Variants in ST7L observed in about 807,000 individuals in gnomAD.
The protein encoded by ST7L is suppression of tumorigenicity 7 like, also known as suppressor of tumorigenicity 7 protein-like.
In ST7L, 57 loss-of-function variants were observed where a neutral mutation model predicts 72.5. The observed-to-expected ratio is 0.79, with a 90% CI of 0.64 to 0.98. The LOEUF is 0.98. ST7L is among the 50% of genes least tolerant of loss of function. The probability of loss-of-function intolerance (pLI) is 0.00; values close to 1 mark genes in which losing one functional copy is unlikely to be tolerated. For synonymous variants in ST7L, 221 were observed against 240.9 expected, an observed-to-expected ratio of 0.92 and a Z score of 0.77; for missense variants, 576 against 672.2, an observed-to-expected ratio of 0.86 and a Z score of 1.58.
At chr1:112,549,311 T>G (rs1216356281) in intron 13 of ST7L, among the ~76,000 whole-genome samples, 4 of 152,176 alleles carry the variant, frequency 2.6e-5, no homozygotes, top group African/African-American at 9.7e-5. Context: ...AAGAATCGCC[T>G]GAACCCAGGA....
intron 12 of ST7L, among the ~76,000 whole-genome samples, chr1:112,554,923 G>C (rs1435532146): frequency 2.6e-5 from 4 of 152,142 alleles, no homozygotes; most frequent in African/African-American, 9.7e-5. Context: ...GAGGTACCTA[G>C]AGTAGTCAAA....
At chr1:112,584,209 A>AT (rs2101894056) in intron 6 of ST7L, 83 bp from the exon 7 acceptor site, 2 of 1,375,174 alleles carry the variant, frequency 1.5e-6, no homozygotes, top group East Asian at 2.5e-5. Flanking sequence ...GCTCTATGTC[A>AT]TATTTCCTTA....
chr1:112,588,253 C>T (rs1665156895), intron 6 of ST7L, among the ~76,000 whole-genome samples: 1 of 152,148 alleles, frequency 6.6e-6, no homozygotes, highest in Admixed American at 6.6e-5. Flanking sequence ...AGTTTTATTT[C>T]TTCCTTTCCA....
chr1:112,595,326 T>C lies in ST7L; in HGVS notation c.622+2645A>G, dbSNP rs552274794. 2.2e-4 allele frequency among the ~76,000 whole-genome samples: 29 copies of C among 134,206 alleles called. No homozygotes were observed. In the East Asian group the frequency reaches 2.5e-3, roughly 11 times the overall value. 88.0% of individuals were successfully genotyped at this position (134,206 alleles called of 152,430 possible). A position where few individuals can be genotyped will look rare whatever the true frequency, so the allele number is the denominator to read the frequency against. ...GTTGTGGTGAGCCGAGATTGCACCA[T>C]TGCACTCCAGCCTGGGCAACAAAAG... On this transcript the variant is annotated intron_variant, in intron 5 of 14. Transcript: ENST00000358039.
chr1:112,567,027 A>G (rs1292073246), intron 11 of ST7L, among the ~76,000 whole-genome samples: 1 of 152,208 alleles, frequency 6.6e-6, no homozygotes, highest in Non-Finnish European at 1.5e-5. Context: ...TTGTATCAGA[A>G]ATTGCCAGTT....
intron 9 of ST7L, 32 bp from the exon 10 acceptor site, chr1:112,578,449 T>A (rs773996420): frequency 6.2e-7 from 1 of 1,600,802 alleles, no homozygotes; most frequent in East Asian, 2.2e-5. Context: ...TAGGTAGGAA[T>A]TACAAAAAAG....
chr1:112,540,995 T>C lies in ST7L; in HGVS notation c.1629+956A>G. ...ACATTAATAAGTTCATATAGAAAAG[T>C]AAATAGTTGCTGGGCATGGCGGCTC... is the stretch of plus-strand genomic sequence containing the variant. On this transcript the variant is annotated intron_variant, in intron 14 of 14. Transcript: ENST00000358039. The C allele has an allele frequency of 8.7e-6, 5 of 574,414 alleles. No individual in the cohort carries two copies. In the South Asian group the frequency reaches 8.8e-5, roughly 10 times the overall value. 35.6% of individuals were successfully genotyped at this position (574,414 alleles called of 1,614,324 possible).
At position 112,619,134 on chromosome 1, in the gene ST7L, C is replaced by T. The variant is rs1434487353; in HGVS notation, c.-21G>A. 6 of 1,611,006 alleles carry T rather than the reference C, an allele frequency of 3.7e-6. No individual in the cohort carries two copies. In the African/African-American group the frequency reaches 8.0e-5, roughly 22 times the overall value. ...GCCATCTTGCCGCTATCGCAGGCGC[C>T]AGGAGCTGGGAGGGGAGAAGGACAG... On this transcript the variant is annotated 5_prime_UTR_variant, in exon 1 of 15. Transcript: ENST00000358039.
In ST7L at chr1:112,597,823, T is replaced by G. The variant is rs983873050; in HGVS notation, c.622+148A>C. On this transcript the variant is annotated intron_variant, in intron 5 of 14. Coordinates refer to ENST00000358039, the MANE Select transcript of ST7L (RefSeq NM_017744.5). ...AGTGTATCAACCTAGCTTATAGTCATAATTTAATCTGAGTTTGTTATCAAT... is the reference window on the plus strand; with the variant it reads ...AGTGTATCAACCTAGCTTATAGTCAGAATTTAATCTGAGTTTGTTATCAAT... The G allele has an allele frequency of 8.9e-6, 4 of 449,528 alleles. No homozygotes were observed. The Admixed American group carries it at 1.7e-4, about 19-fold the overall frequency. 27.8% of individuals were successfully genotyped at this position (449,528 alleles called of 1,614,324 possible). A position where few individuals can be genotyped will look rare whatever the true frequency, so the allele number is the denominator to read the frequency against.
intron 11 of ST7L, among the ~76,000 whole-genome samples, chr1:112,564,817 CAAAAAA>C (rs780771291): frequency 2.3e-5 from 1 of 43,114 alleles, no homozygotes; most frequent in Admixed American, 2.6e-4. Context: ...AACTGCATCT[CAAAAAA>C]AAAAAAAAAA....
chr1:112,533,321 A>AT (rs1654681723), intron 14 of ST7L, among the ~76,000 whole-genome samples: 1 of 143,662 alleles, frequency 7.0e-6, no homozygotes, highest in Non-Finnish European at 1.5e-5. Flanking sequence ...GCGTTATTTT[A>AT]TTTTATTTTT....
At chr1:112,563,970 T>C (rs1660559262) in intron 11 of ST7L, among the ~76,000 whole-genome samples, 1 of 152,162 alleles carries the variant, frequency 6.6e-6, no homozygotes, top group Non-Finnish European at 1.5e-5. Context: ...GCATCTGAAA[T>C]TAAGGTACTT....
chr1:112,540,051 T>G (rs1031104662), intron 14 of ST7L: 1 of 985,320 alleles, frequency 1.0e-6, no homozygotes, highest in Admixed American at 6.1e-5. Flanking sequence ...AAGGAACTTA[T>G]GCTATGTAAT....
chr1:112,589,086 T>C (rs1256152559), intron 6 of ST7L, among the ~76,000 whole-genome samples: 1 of 152,138 alleles, frequency 6.6e-6, no homozygotes, highest in Non-Finnish European at 1.5e-5. Context: ...AATTTCTATT[T>C]AGTTCCTTTT....
rs921587152 is a variant in ST7L at position 112,609,219 on chromosome 1, A to C, written c.451+1622T>G. Among the ~76,000 whole-genome samples the C allele has an allele frequency of 4.6e-5, 7 of 152,130 alleles. No homozygotes were observed. The South Asian group carries it at 6.2e-4, about 14-fold the overall frequency. ...CTTTGTAAATTTTCCTTTCCTAATT[A>C]TGTATCATTAAAAATATTTGCTTTC... On this transcript the variant is annotated intron_variant, in intron 3 of 14. Coordinates refer to ENST00000358039, the MANE Select transcript of ST7L (RefSeq NM_017744.5).
At chr1:112,595,654 T>G (rs912820751) in intron 5 of ST7L, among the ~76,000 whole-genome samples, 2 of 152,066 alleles carry the variant, frequency 1.3e-5, no homozygotes, top group African/African-American at 4.8e-5. Context: ...CCTAGACTCA[T>G]GGGATGCTCC....
At chr1:112,559,622 C>T (rs1659770576) in intron 11 of ST7L, among the ~76,000 whole-genome samples, 1 of 152,126 alleles carries the variant, frequency 6.6e-6, no homozygotes, top group Admixed American at 6.5e-5. Flanking sequence ...ACACACATGG[C>T]ACACTTATTA....
intron 6 of ST7L, among the ~76,000 whole-genome samples, chr1:112,585,988 G>A (rs2101907113): frequency 6.6e-6 from 1 of 152,288 alleles, no homozygotes; most frequent in East Asian, 1.9e-4. Flanking sequence ...ACGTTCTTCA[G>A]TTATAGAAAA....
chr1:112,591,638 G>GT, intron 5 of ST7L, 35 bp from the exon 6 acceptor site: 1 of 1,544,950 alleles, frequency 6.5e-7, no homozygotes, highest in African/African-American at 1.4e-5. Context: ...AGATGAGATG[G>GT]TAAAAAAATA....
Sources: allele counts gnomAD v4.1 joint callset (sites outside exome capture counted in the v4.1 genomes callset), GRCh38; gene constraint gnomAD v4.1.1; transcripts MANE v1.5; gene names NCBI Gene and HGNC (gene_info 2026-07-23, HGNC 2026-07-21).